EFHC2: variants seen among roughly 807,000 people sequenced by gnomAD.
EFHC2 encodes the protein EF-hand domain containing 2, also known as EF-hand domain-containing family member C2.
Under a neutral mutation model 52.7 loss-of-function variants are expected in EFHC2, and 18 were observed. The observed-to-expected ratio is 0.34, with a 90% confidence interval of 0.24 to 0.51. The LOEUF (loss-of-function observed/expected upper bound fraction) is 0.51. EFHC2 is among the 20% of genes least tolerant of loss of function. EFHC2 has a pLI of 0.97. For missense variants in EFHC2, 513 were observed against 562.5 expected (o/e 0.91, Z 0.89); for synonymous variants, 203 against 204.1 (o/e 0.99, Z 0.04).
chrX:44,261,048 A>G (rs1331001755), intron 4 of EFHC2, 27 bp downstream of exon 4: 1 of 1,158,292 alleles, frequency 8.6e-7, no homozygotes, highest in Non-Finnish European at 1.2e-6. Context: ...TTTGAAGACA[A>G]GAACTCAACA....
At chrX:44,332,723 A>C (rs1313478355) in intron 1 of EFHC2, among the ~76,000 whole-genome samples, 1 of 111,261 alleles carries the variant, frequency 9.0e-6, no homozygotes, top group African/African-American at 3.3e-5. Flanking sequence ...TGCTGCTTCC[A>C]GGAAAACCCA....
At chrX:44,310,893 T>C (rs930959551) in intron 2 of EFHC2, among the ~76,000 whole-genome samples, 1 of 112,235 alleles carries the variant, frequency 8.9e-6, no homozygotes, top group African/African-American at 3.2e-5. Flanking sequence ...GAAAGGCACA[T>C]ATTAAATATT....
intron 13 of EFHC2, among the ~76,000 whole-genome samples, chrX:44,165,600 G>A (rs1371913105): frequency 8.9e-6 from 1 of 112,073 alleles, no homozygotes; most frequent in Non-Finnish European, 1.9e-5. Context: ...AGCCTTGAAA[G>A]AAAGTATTTC....
rs553996677 is a variant in EFHC2, at chrX:44,154,462, G to T, written c.2149-5566C>A. The stretch of plus-strand genomic sequence containing the variant: ...CACACCTGCAATTCCACCATTTGGG[G>T]TGGCTGAGGTAGGAAATCACTTAAA... On this transcript the variant is annotated intron_variant, in intron 14 of 14. Coordinates refer to ENST00000420999, the MANE Select transcript of EFHC2 (RefSeq NM_025184.4). 8.1e-5 allele frequency among the ~76,000 whole-genome samples: 9 copies of T among 110,692 alleles called. No homozygotes were observed. In the South Asian group the frequency reaches 3.5e-3, roughly 43 times the overall value.
In EFHC2 at chrX:44,248,375, A is replaced by G; in HGVS notation, c.1008T>C (p.Ser336=). The change falls in exon 7 of 15, where the codon AGT becomes AGC. Residue 336 remains serine, a synonymous_variant. Coordinates refer to ENST00000420999, the MANE Select transcript of EFHC2 (RefSeq NM_025184.4). Reference sequence around the variant, plus strand: ...TGATGGTGACTCCTAGGGACAGGTCACTATCTTTGTAAAACTCTTGGTCTA... The same window carrying G: ...TGATGGTGACTCCTAGGGACAGGTCGCTATCTTTGTAAAACTCTTGGTCTA... ...GKVDQEFYKD[S]DLSLGVTINV... 8.4e-7 allele frequency: 1 copy of G among 1,185,805 alleles called. No homozygotes were observed. Among genetic ancestry groups the G allele is most frequent in the Non-Finnish European group, 1.1e-6 (1 of 881,387 alleles).
At chrX:44,335,509 A>T (rs1011256243) in intron 1 of EFHC2, among the ~76,000 whole-genome samples, 1 of 111,850 alleles carries the variant, frequency 8.9e-6, no homozygotes, top group Non-Finnish European at 1.9e-5. Flanking sequence ...TTGACTATAC[A>T]TTCCTGGTGG....
In EFHC2 at chrX:44,164,033, A is replaced by T; in HGVS notation, c.2043-6T>A. 1 of 1,051,400 alleles carries T rather than the reference A, an allele frequency of 9.5e-7. No individual in the cohort carries two copies. The highest frequency in any genetic ancestry group is 1.3e-6 in the Non-Finnish European group (1 of 792,621). 86.6% of individuals were successfully genotyped at this position (1,051,400 alleles called of 1,213,427 possible). A position where few individuals can be genotyped will look rare whatever the true frequency, so the allele number is the denominator to read the frequency against. ...GTTTTTCACTGTCTTCAAACCTGAA[A>T]ATATAATTATAATATATAATTTGAC... is the stretch of plus-strand genomic sequence containing the variant. On this transcript the variant is annotated splice_region_variant and splice_polypyrimidine_tract_variant and intron_variant, in intron 13 of 14. Coordinates refer to ENST00000420999, the MANE Select transcript of EFHC2 (RefSeq NM_025184.4).
At chrX:44,323,150 C>T (rs2038032652) in intron 1 of EFHC2, among the ~76,000 whole-genome samples, 1 of 112,381 alleles carries the variant, frequency 8.9e-6, no homozygotes, top group Admixed American at 9.4e-5. Flanking sequence ...CATGAACATA[C>T]ATAAATTATG....
rs1200444027 is a variant in EFHC2 at position 44,148,433 on chromosome X, A to C, written c.*362T>G. ...AATAGAATCACAACTTATTGCTGTG[A>C]TATAATTTGATTTTGTATTGTCATG... On this transcript the variant is annotated 3_prime_UTR_variant, in exon 15 of 15. Coordinates refer to ENST00000420999, the MANE Select transcript of EFHC2 (RefSeq NM_025184.4). 1.4e-5 allele frequency: 2 copies of C among 138,416 alleles called. No individual in the cohort carries two copies. Among genetic ancestry groups the C allele is most frequent in the African/African-American group, 6.4e-5 (2 of 31,279 alleles). 11.4% of individuals were successfully genotyped at this position (138,416 alleles called of 1,213,427 possible).
intron 7 of EFHC2, among the ~76,000 whole-genome samples, chrX:44,243,134 C>T (rs928918774): frequency 1.1e-4 from 12 of 111,016 alleles, no homozygotes. Context: ...TACTCATTTG[C>T]GAGGCTGTAC....
chrX:44,245,379 A>G (rs1379226274), intron 7 of EFHC2, among the ~76,000 whole-genome samples: 2 of 112,537 alleles, frequency 1.8e-5, no homozygotes, highest in African/African-American at 3.2e-5. Flanking sequence ...AATAACCTAA[A>G]GCAGAAATTC....
Position 44,248,390 on chromosome X carries a change from C to T in EFHC2, c.993G>A (p.Glu331=). ...DRYKLGKVDQ[E]FYKDSDLSLG... is the part of the protein sequence containing the mutation. ...GGGACAGGTCACTATCTTTGTAAAA[C>T]TCTTGGTCTACTTTTCCTAGCTAAA... The change falls in exon 7 of 15, where the codon GAG becomes GAA. Residue 331 remains glutamate, a synonymous_variant. Transcript: ENST00000420999. The T allele has an allele frequency of 8.4e-7, 1 of 1,187,649 alleles. No individual in the cohort carries two copies. Among genetic ancestry groups the T allele is most frequent in the African/African-American group, 1.8e-5 (1 of 57,095 alleles).
chrX:44,218,376 T>G (rs2147310735), intron 11 of EFHC2, among the ~76,000 whole-genome samples: 1 of 111,509 alleles, frequency 9.0e-6, no homozygotes, highest in African/African-American at 3.2e-5. Context: ...AAAAAAAAAG[T>G]ATGGGTAAGA....
intron 2 of EFHC2, chrX:44,285,871 C>T: frequency 7.5e-6 from 1 of 133,488 alleles, no homozygotes; most frequent in East Asian, 1.9e-4. Context: ...CCGATGAAGA[C>T]CTACTGCACA....
At chrX:44,303,031 A>C (rs113931108) in intron 2 of EFHC2, among the ~76,000 whole-genome samples, 7,343 of 111,213 alleles carry the variant, frequency 0.066, 504 homozygotes, top group African/African-American at 0.21. Context: ...TCATTCGTTA[A>C]TCCTACCGCA....
chrX:44,193,338 T>C (rs948390287), intron 11 of EFHC2, among the ~76,000 whole-genome samples: 1 of 101,853 alleles, frequency 9.8e-6, no homozygotes, highest in Non-Finnish European at 2.0e-5. Flanking sequence ...CTAAAATACA[T>C]AAACCAAGCT....
At chrX:44,196,089 A>G (rs1282127965) in intron 11 of EFHC2, among the ~76,000 whole-genome samples, 1 of 111,090 alleles carries the variant, frequency 9.0e-6, no homozygotes, top group African/African-American at 3.3e-5. Context: ...GCTAATTTTT[A>G]TATTTCTAGT....
chrX:44,241,677 G>T (rs988822547), intron 8 of EFHC2, among the ~76,000 whole-genome samples: 1 of 112,327 alleles, frequency 8.9e-6, no homozygotes, highest in Admixed American at 9.4e-5. Context: ...AAGTCTTATT[G>T]GAACACAGTC....
chrX:44,275,154 G>A (rs2037646839), intron 2 of EFHC2, among the ~76,000 whole-genome samples: 1 of 111,778 alleles, frequency 8.9e-6, no homozygotes, highest in South Asian at 3.7e-4. Flanking sequence ...CAACTGTCAT[G>A]TATGTAATCA....
Sources: allele counts gnomAD v4.1 joint callset (sites outside exome capture counted in the v4.1 genomes callset), GRCh38; gene constraint gnomAD v4.1.1; transcripts MANE v1.5; gene names NCBI Gene and HGNC (gene_info 2026-07-23, HGNC 2026-07-21).